The following OVCH1 variants were observed in gnomAD, a reference collection of about 807,000 sequenced individuals.
The protein encoded by OVCH1 is ovochymase-1.
Under a neutral mutation model 138.4 loss-of-function variants are expected in OVCH1, and 139 were observed. The observed-to-expected ratio is 1.00, with a 90% confidence interval of 0.87 to 1.16. The LOEUF (loss-of-function observed/expected upper bound fraction) is 1.16. Ranked by LOEUF, OVCH1 falls within the 50% of genes most tolerant of loss-of-function variation. The pLI, the probability that OVCH1 is intolerant of heterozygous loss-of-function variation, is 0.00. For missense variants in OVCH1, 1,367 were observed against 1,357.9 expected, an observed-to-expected ratio of 1.01 and a Z score of -0.11; for synonymous variants, 453 against 467.8, an observed-to-expected ratio of 0.97 and a Z score of 0.41.
intron 5 of OVCH1, among the ~76,000 whole-genome samples, chr12:29,490,524 G>A (rs1190399145): frequency 6.6e-6 from 1 of 152,152 alleles, no homozygotes; most frequent in Non-Finnish European, 1.5e-5. Context: ...CATAATCATG[G>A]TAATTAACAT....
exon 6 of OVCH1, chr12:29,489,679 G>T (rs754006975): frequency 6.2e-7 from 1 of 1,610,020 alleles, no homozygotes. Flanking sequence ...CTTCCCAGGG[G>T]AGGGAGGTTC....
At chr12:29,441,688 T>C (rs1370663884) in intron 25 of OVCH1, among the ~76,000 whole-genome samples, 3 of 152,152 alleles carry the variant, frequency 2.0e-5, no homozygotes, top group South Asian at 4.1e-4. Flanking sequence ...ACAGGCAACC[T>C]ACAAAATGGG....
At chr12:29,455,388 T>C (rs1941919084) in exon 20 of OVCH1, 1 of 1,609,220 alleles carries the variant, frequency 6.2e-7, no homozygotes, top group African/African-American at 1.3e-5. Flanking sequence ...TACATACTAG[T>C]GGCCCACCAG....
At chr12:29,414,893 G>A (rs1338302841) in intron 3 of OVCH1, among the ~76,000 whole-genome samples, 3 of 151,922 alleles carry the variant, frequency 2.0e-5, no homozygotes, top group Non-Finnish European at 4.4e-5. Flanking sequence ...AAGCAATGCT[G>A]ACAATCATAA....
chr12:29,440,222 A>T (rs1279725919), intron 25 of OVCH1, among the ~76,000 whole-genome samples: 1 of 152,182 alleles, frequency 6.6e-6, no homozygotes, highest in Non-Finnish European at 1.5e-5. Context: ...GAGCTTGTAA[A>T]CCTTATTTAG....
At chr12:29,481,515 A>G (rs758231744) in intron 8 of OVCH1, among the ~76,000 whole-genome samples, 8 of 152,186 alleles carry the variant, frequency 5.3e-5, no homozygotes, top group Non-Finnish European at 1.2e-4. Context: ...TTAAAATCTC[A>G]TGTGATAACT....
chr12:29,451,519 GT>G lies in OVCH1; in HGVS notation c.2580del (p.Pro861HisfsTer45). On this transcript the variant is annotated frameshift_variant, in exon 22 of 28. Transcript: ENST00000318184. LOFTEE classifies it high-confidence loss of function. The stretch of plus-strand genomic sequence containing the variant: ...CCTCTATAATCCAGTAGATACCGTG[GT>G]GTGGGAAAAAAGCCTCTAGGCTTTT... 1.2e-6 allele frequency: 2 copies of G among 1,613,102 alleles called. No individual in the cohort carries two copies. Among genetic ancestry groups the G allele is most frequent in the Non-Finnish European group, 1.7e-6 (2 of 1,179,500 alleles).
chr12:29,475,150 C>T (rs1243650674), exon 14 of OVCH1: 4 of 1,539,968 alleles, frequency 2.6e-6, no homozygotes, highest in Non-Finnish European at 3.5e-6. Flanking sequence ...GTTACTAGAA[C>T]TGAATATTGA....
exon 4 of OVCH1, chr12:29,495,454 C>T: frequency 6.2e-7 from 1 of 1,611,436 alleles, no homozygotes; most frequent in East Asian, 2.2e-5. Flanking sequence ...TCTTCAGCTG[C>T]TTCCTAAAAC....
chr12:29,428,064 C>T (rs1185364286), intron 27 of OVCH1, among the ~76,000 whole-genome samples: 1 of 152,064 alleles, frequency 6.6e-6, no homozygotes, highest in Non-Finnish European at 1.5e-5. Context: ...TGTTATTTTC[C>T]TGTTGGACAT....
At chr12:29,458,313 T>A in intron 19 of OVCH1, among the ~76,000 whole-genome samples, 1 of 147,662 alleles carries the variant, frequency 6.8e-6, no homozygotes, top group African/African-American at 2.6e-5. Context: ...TGGAACAGAA[T>A]AGAAAACCCA....
intron 26 of OVCH1, among the ~76,000 whole-genome samples, chr12:29,435,090 A>G (rs1941333631): frequency 1.3e-5 from 2 of 152,380 alleles, no homozygotes; most frequent in Middle Eastern, 3.4e-3. Context: ...CTTTAGCTAC[A>G]TATAACCTTC....
chr12:29,473,971 G>GCC (rs1942605933), intron 14 of OVCH1, among the ~76,000 whole-genome samples: 1 of 151,908 alleles, frequency 6.6e-6, no homozygotes, highest in Non-Finnish European at 1.5e-5. Context: ...AAGTTCTTCA[G>GCC]TTTTGGGACT....
At chr12:29,485,842 C>G (rs1668686490) in intron 8 of OVCH1, among the ~76,000 whole-genome samples, 1 of 151,416 alleles carries the variant, frequency 6.6e-6, no homozygotes, top group South Asian at 2.1e-4. Context: ...ACTTGGGAGG[C>G]TAAGGCAGGA....
chr12:29,424,281 T>G (rs184371483), downstream of OVCH1, among the ~76,000 whole-genome samples: 2 of 152,206 alleles, frequency 1.3e-5, no homozygotes, highest in Admixed American at 6.5e-5. Flanking sequence ...TGCTATTGTT[T>G]GTGGTTTAAG....
intron 1 of OVCH1, among the ~76,000 whole-genome samples, chr12:29,497,163 G>T (rs1386452948): frequency 6.9e-6 from 1 of 145,350 alleles, no homozygotes; most frequent in Non-Finnish European, 1.5e-5. Context: ...CAGCTACTCA[G>T]GAGGCAGAGG....
intron 12 of OVCH1, among the ~76,000 whole-genome samples, chr12:29,476,503 T>C (rs985964429): frequency 3.9e-5 from 6 of 152,196 alleles, no homozygotes; most frequent in African/African-American, 1.4e-4. Context: ...CCAGCGAATC[T>C]AATTCTGGGA....
chr12:29,465,030 A>C, intron 17 of OVCH1, 117 bp downstream of exon 17: 5 of 847,842 alleles, frequency 5.9e-6, no homozygotes, highest in Non-Finnish European at 9.0e-6. Flanking sequence ...ATAAATAATA[A>C]GTGTGAAAGG....
intron 19 of OVCH1, among the ~76,000 whole-genome samples, chr12:29,460,216 C>A (rs1565585760): frequency 6.6e-6 from 1 of 152,188 alleles, no homozygotes; most frequent in Admixed American, 6.5e-5. Context: ...TTTCTAAGAC[C>A]CTCTCTAGTT....
Sources: allele counts gnomAD v4.1 joint callset (sites outside exome capture counted in the v4.1 genomes callset), GRCh38; gene constraint gnomAD v4.1.1; transcripts MANE v1.5; gene names NCBI Gene and HGNC (gene_info 2026-07-23, HGNC 2026-07-21).